The following NKAIN2 variants were observed in gnomAD, a reference collection of about 807,000 sequenced individuals.
NKAIN2 encodes sodium/potassium transporting ATPase interacting 2, also known as sodium/potassium-transporting ATPase subunit beta-1-interacting protein 2.
Under a neutral mutation model 32.6 loss-of-function variants are expected in NKAIN2, and 14 were observed. The ratio of observed to expected loss-of-function variants is 0.43; its 90% confidence interval spans 0.28 to 0.67. The LOEUF is 0.67. Among genes scored for constraint, NKAIN2 ranks in the 30% least tolerant of loss-of-function variants. The pLI is 0.17. For missense variants in NKAIN2, 198 were observed against 258.3 expected (o/e 0.77, Z 1.60); for synonymous variants, 80 against 87.2 (o/e 0.92, Z 0.46).
At position 123,922,658 on chromosome 6, in the gene NKAIN2, T is replaced by C. The variant is rs538412550; in HGVS notation, c.54+118404T>C. ...AATATAGTGTCTGGCTGAGGGTCGA[T>C]GGGACTCAATTTTCTCAATGTGCAT... On this transcript the variant is annotated intron_variant, in intron 1 of 6. Coordinates refer to ENST00000368417, the MANE Select transcript of NKAIN2 (RefSeq NM_001040214.3). Among the ~76,000 whole-genome samples, 27 of 152,300 alleles carry C rather than the reference T, an allele frequency of 1.8e-4. No individual in the cohort carries two copies. In the South Asian group the frequency reaches 5.2e-3, roughly 29 times the overall value.
chr6:124,324,077 C>T (rs1797318051), intron 2 of NKAIN2, among the ~76,000 whole-genome samples: 1 of 152,182 alleles, frequency 6.6e-6, no homozygotes, highest in Non-Finnish European at 1.5e-5. Flanking sequence ...AGGCATGAGT[C>T]ACTGCACCAG....
At chr6:124,751,492 G>A (rs757774608) in intron 4 of NKAIN2, among the ~76,000 whole-genome samples, 1 of 151,946 alleles carries the variant, frequency 6.6e-6, no homozygotes, top group Non-Finnish European at 1.5e-5. Flanking sequence ...TTCTGGATCA[G>A]AAAGGATGGG....
intron 3 of NKAIN2, among the ~76,000 whole-genome samples, chr6:124,580,641 G>A (rs1252648679): frequency 1.3e-5 from 2 of 152,078 alleles, no homozygotes; most frequent in Non-Finnish European, 2.9e-5. Context: ...AAAATGGCAG[G>A]AGTAAGTCCT....
chr6:124,509,417 T>C (rs1778623895), intron 3 of NKAIN2, among the ~76,000 whole-genome samples: 1 of 152,226 alleles, frequency 6.6e-6, no homozygotes, highest in African/African-American at 2.4e-5. Context: ...ATACTCGGTT[T>C]TGTTCTTCTA....
intron 1 of NKAIN2, among the ~76,000 whole-genome samples, chr6:124,082,637 T>TA (rs887154362): frequency 1.4e-3 from 204 of 148,804 alleles, no homozygotes; most frequent in African/African-American, 4.5e-3. Context: ...ATGGCCAATA[T>TA]AAAAAAAAAA....
intron 1 of NKAIN2, among the ~76,000 whole-genome samples, chr6:123,921,609 G>A (rs142431821): frequency 6.6e-5 from 10 of 152,090 alleles, no homozygotes; most frequent in African/African-American, 2.4e-4. Flanking sequence ...TCACTGTTCT[G>A]GTCTCTCTCT....
chr6:123,866,347 C>T (rs528830890), intron 1 of NKAIN2, among the ~76,000 whole-genome samples: 2 of 152,296 alleles, frequency 1.3e-5, no homozygotes, highest in South Asian at 4.1e-4. Flanking sequence ...CCCACACCTT[C>T]TTCAACCTAT....
At chr6:124,209,679 G>A (rs1191445467) in intron 1 of NKAIN2, among the ~76,000 whole-genome samples, 1 of 151,892 alleles carries the variant, frequency 6.6e-6, no homozygotes, top group African/African-American at 2.4e-5. Context: ...TCACATTGTA[G>A]TTGTGATTTT....
chr6:124,799,327 A>C (rs557582148), intron 5 of NKAIN2, among the ~76,000 whole-genome samples: 2 of 152,302 alleles, frequency 1.3e-5, no homozygotes, highest in Non-Finnish European at 2.9e-5. Flanking sequence ...TGATCATCTA[A>C]CAGAAAACAC....
chr6:124,626,136 G>GTATT (rs1294605493), intron 3 of NKAIN2, among the ~76,000 whole-genome samples: 1 of 128,132 alleles, frequency 7.8e-6, no homozygotes, highest in Non-Finnish European at 1.6e-5. Flanking sequence ...CAGTTTTAAT[G>GTATT]TATTTGTATC....
chr6:124,754,462 G>GAACA (rs1384557110), intron 4 of NKAIN2, among the ~76,000 whole-genome samples: 1 of 90,462 alleles, frequency 1.1e-5, no homozygotes, highest in African/African-American at 4.2e-5. Context: ...CAAACGACAT[G>GAACA]AACACTTTTT....
At chr6:124,532,490 A>C (rs1779560208) in intron 3 of NKAIN2, among the ~76,000 whole-genome samples, 1 of 152,168 alleles carries the variant, frequency 6.6e-6, no homozygotes, top group African/African-American at 2.4e-5. Flanking sequence ...AGCCAGGAAG[A>C]CAGTGGGGGA....
At chr6:124,277,774 G>A (rs1362766629) in intron 1 of NKAIN2, among the ~76,000 whole-genome samples, 1 of 151,850 alleles carries the variant, frequency 6.6e-6, no homozygotes, top group African/African-American at 2.4e-5. Context: ...AGGGGGAAGA[G>A]GTACAGAGAG....
At chr6:123,823,674 CAG>C (rs1054608635) in intron 1 of NKAIN2, among the ~76,000 whole-genome samples, 10 of 151,982 alleles carry the variant, frequency 6.6e-5, no homozygotes, top group Non-Finnish European at 1.0e-4. Flanking sequence ...AAATGCCACT[CAG>C]GGGATTTGAA....
intron 1 of NKAIN2, among the ~76,000 whole-genome samples, chr6:124,149,464 G>A (rs146490626): frequency 7.8e-4 from 119 of 152,256 alleles, no homozygotes; most frequent in African/African-American, 2.8e-3. Context: ...TTTGTTTATG[G>A]TGAGAGGTCC....
intron 1 of NKAIN2, among the ~76,000 whole-genome samples, chr6:124,219,029 T>C (rs569807451): frequency 4.1e-4 from 62 of 152,102 alleles, no homozygotes; most frequent in African/African-American, 1.5e-3. Context: ...TTCCAAACGC[T>C]TACTGGGGAG....
rs149130677 is a variant in NKAIN2 at position 124,104,415 on chromosome 6, T to C, written c.55-178590T>C. Among the ~76,000 whole-genome samples, 344 of 152,278 alleles carry C rather than the reference T, an allele frequency of 2.3e-3. 4 individuals carry two copies. Among genetic ancestry groups the C allele is most frequent in the African/African-American group, 8.0e-3 (331 of 41,564 alleles). On this transcript the variant is annotated intron_variant, in intron 1 of 6. Coordinates refer to ENST00000368417, the MANE Select transcript of NKAIN2 (RefSeq NM_001040214.3). The stretch of plus-strand genomic sequence containing the variant: ...TAAAACTTGAAACGCTTATCTGAAT[T>C]TTTTTCTCATCAAGAATGGTATATT...
chr6:124,697,843 C>A, intron 4 of NKAIN2, among the ~76,000 whole-genome samples: 1 of 152,074 alleles, frequency 6.6e-6, no homozygotes, highest in African/African-American at 2.4e-5. Flanking sequence ...CGCTAAAACT[C>A]CTATATCTTA....
chr6:124,082,444 A>G (rs899766616), intron 1 of NKAIN2, among the ~76,000 whole-genome samples: 2 of 152,048 alleles, frequency 1.3e-5, no homozygotes, highest in African/African-American at 4.8e-5. Context: ...ATTGGTTCCT[A>G]ATATGTACTT....
Sources: gnomAD v4.1 joint callset for allele counts (sites outside exome capture counted in the v4.1 genomes callset) on GRCh38, gnomAD v4.1.1 for gene constraint, MANE v1.5 for transcripts, NCBI Gene and HGNC (gene_info 2026-07-23, HGNC 2026-07-21) for gene names.